The following SHTN1 variants were observed in gnomAD, a reference collection of about 807,000 sequenced individuals.
SHTN1 encodes the protein shootin 1, also known as shootin-1.
In SHTN1, 42 loss-of-function variants were observed where a neutral mutation model predicts 83.1. The observed-to-expected ratio is 0.51, with a 90% confidence interval of 0.39 to 0.65. The LOEUF (loss-of-function observed/expected upper bound fraction) is 0.65, where lower values mean the gene tolerates loss of function less well. Ranked by LOEUF, SHTN1 falls within the 30% of genes least tolerant of loss-of-function variation. SHTN1 has a pLI of 0.00. For synonymous variants in SHTN1, 224 were observed against 247.7 expected (o/e 0.90, Z 0.90); for missense variants, 622 against 737.8 (o/e 0.84, Z 1.82).
At chr10:117,081,471 A>G (rs1347481117) in intron 1 of SHTN1, among the ~76,000 whole-genome samples, 2 of 143,712 alleles carry the variant, frequency 1.4e-5, no homozygotes, top group African/African-American at 5.2e-5. Flanking sequence ...ATCAATGTTC[A>G]TCAAGGATAT....
At chr10:116,999,836 C>T (rs929070160) in intron 1 of SHTN1, among the ~76,000 whole-genome samples, 48 of 152,250 alleles carry the variant, frequency 3.2e-4, no homozygotes, top group Admixed American at 4.6e-4. Flanking sequence ...TTGCTTGAAC[C>T]TGGGAGGCGG....
upstream of SHTN1, among the ~76,000 whole-genome samples, chr10:117,007,778 C>T (rs1852045094): frequency 6.6e-6 from 1 of 151,536 alleles, no homozygotes; most frequent in Non-Finnish European, 1.5e-5. Context: ...TATGGGAGGC[C>T]GAGGCGGGCA....
intron 3 of SHTN1, among the ~76,000 whole-genome samples, chr10:116,966,542 T>C (rs1850404348): frequency 6.6e-6 from 1 of 152,032 alleles, no homozygotes; most frequent in African/African-American, 2.4e-5. Context: ...TAAGGAAAAA[T>C]GTAAATTTTT....
chr10:116,934,990 CT>C (rs1849101309), intron 9 of SHTN1, among the ~76,000 whole-genome samples: 1 of 152,142 alleles, frequency 6.6e-6, no homozygotes, highest in African/African-American at 2.4e-5. Flanking sequence ...GTATAGGAAG[CT>C]TGTAATTTTT....
At chr10:117,009,382 A>G (rs1224976699), upstream of SHTN1, among the ~76,000 whole-genome samples, 1 of 152,138 alleles carries the variant, frequency 6.6e-6, no homozygotes, top group Non-Finnish European at 1.5e-5. Context: ...AGGATGCAAA[A>G]AAAAGTATGA....
At chr10:117,091,877 T>C (rs763855900) in intron 1 of SHTN1, among the ~76,000 whole-genome samples, 1 of 152,134 alleles carries the variant, frequency 6.6e-6, no homozygotes, top group African/African-American at 2.4e-5. Context: ...CTACATGACA[T>C]GGAAATGATC....
chr10:117,001,032 G>A (rs912925906), intron 1 of SHTN1, among the ~76,000 whole-genome samples: 6 of 151,990 alleles, frequency 3.9e-5, no homozygotes, highest in African/African-American at 1.2e-4. Flanking sequence ...ACTGAATTCC[G>A]GAGGGGGAGC....
intron 5 of SHTN1, among the ~76,000 whole-genome samples, chr10:116,953,134 A>T (rs1849833802): frequency 6.6e-6 from 1 of 152,182 alleles, no homozygotes. Flanking sequence ...ATAAATGAAT[A>T]TTGCTTTTGA....
intron 1 of SHTN1, among the ~76,000 whole-genome samples, chr10:117,104,601 C>G (rs1054171833): frequency 1.1e-4 from 17 of 152,044 alleles, no homozygotes; most frequent in African/African-American, 4.1e-4. Flanking sequence ...AGTGAAACCC[C>G]ATCTCTACTA....
At chr10:117,035,224 T>TAC (rs1292714859) in intron 2 of SHTN1, among the ~76,000 whole-genome samples, 2 of 152,060 alleles carry the variant, frequency 1.3e-5, no homozygotes, top group Non-Finnish European at 2.9e-5. Context: ...GCCAAGAACA[T>TAC]ACACTGGGGA....
intron 9 of SHTN1, among the ~76,000 whole-genome samples, chr10:116,939,237 T>C (rs1849277675): frequency 1.3e-5 from 2 of 152,194 alleles, no homozygotes; most frequent in South Asian, 4.1e-4. Context: ...TGCAGCTAGT[T>C]TGGTGTCTGC....
chr10:116,949,225 A>G (rs1235946178), intron 6 of SHTN1, among the ~76,000 whole-genome samples: 1 of 152,214 alleles, frequency 6.6e-6, no homozygotes, highest in Non-Finnish European at 1.5e-5. Flanking sequence ...TATATATTCC[A>G]GTTGGCACTG....
At chr10:116,963,191 C>T (rs1850260292) in intron 3 of SHTN1, among the ~76,000 whole-genome samples, 1 of 149,020 alleles carries the variant, frequency 6.7e-6, no homozygotes, top group Non-Finnish European at 1.5e-5. Flanking sequence ...CCTGCCTCAG[C>T]CTCCCGAGTA....
Position 116,885,243 on chromosome 10 carries a change from T to C in SHTN1, c.*1101A>G, listed in dbSNP as rs1174626991. 2 of 152,662 alleles carry C rather than the reference T, an allele frequency of 1.3e-5. No homozygotes were observed. Among genetic ancestry groups the C allele is most frequent in the Non-Finnish European group, 1.5e-5 (1 of 68,042 alleles). 9.5% of individuals were successfully genotyped at this position (152,662 alleles called of 1,614,324 possible). A position where few individuals can be genotyped will look rare whatever the true frequency, so the allele number is the denominator to read the frequency against. ...AAACTAAACCTTTCACTTTCTTTAA[T>C]AGTAAAATTACCATTACTGAATCAT... On this transcript the variant is annotated 3_prime_UTR_variant, in exon 17 of 17. Transcript: ENST00000355371.
intron 1 of SHTN1, among the ~76,000 whole-genome samples, chr10:117,090,225 C>T (rs963416935): frequency 1.3e-5 from 2 of 152,122 alleles, no homozygotes; most frequent in Non-Finnish European, 2.9e-5. Context: ...ATTATTCATC[C>T]TTAAAAAGAA....
intron 2 of SHTN1, among the ~76,000 whole-genome samples, chr10:116,978,273 G>A (rs745617152): frequency 2.0e-5 from 3 of 151,978 alleles, no homozygotes; most frequent in Non-Finnish European, 2.9e-5. Flanking sequence ...TATCCCATAC[G>A]TTTTACAAAT....
At chr10:117,013,528 T>C (rs1436419718) in intron 2 of SHTN1, among the ~76,000 whole-genome samples, 4 of 152,184 alleles carry the variant, frequency 2.6e-5, no homozygotes, top group African/African-American at 4.8e-5. Context: ...TCAACATTAT[T>C]TGTCACTAGT....
At chr10:116,961,488 T>A (rs560770133) in intron 3 of SHTN1, among the ~76,000 whole-genome samples, 1 of 152,006 alleles carries the variant, frequency 6.6e-6, no homozygotes, top group African/African-American at 2.4e-5. Context: ...GAATCAACAC[T>A]GTTATTACAA....
intron 2 of SHTN1, among the ~76,000 whole-genome samples, chr10:117,016,811 A>G (rs949879214): frequency 2.0e-5 from 3 of 152,260 alleles, no homozygotes; most frequent in African/African-American, 7.2e-5. Context: ...CTAGAGAGAT[A>G]TCAGTATGAA....
Sources: allele counts gnomAD v4.1 joint callset (sites outside exome capture counted in the v4.1 genomes callset), GRCh38; gene constraint gnomAD v4.1.1; transcripts MANE v1.5; gene names NCBI Gene and HGNC (gene_info 2026-07-23, HGNC 2026-07-21).